The following TYW1 variants were observed in gnomAD, a reference collection of about 807,000 sequenced individuals.
TYW1 encodes the protein S-adenosyl-L-methionine-dependent tRNA 4-demethylwyosine synthase TYW1.
TYW1 carries 46 observed loss-of-function variants against 96.2 expected under a neutral mutation model. That is an observed-to-expected ratio of 0.48 (90% CI 0.38 to 0.61). The LOEUF is 0.61. Ranked by LOEUF, TYW1 falls within the 20% of genes least tolerant of loss-of-function variation. The probability of loss-of-function intolerance (pLI) is 0.00; values close to 1 mark genes in which losing one functional copy is unlikely to be tolerated. For missense variants in TYW1, 684 were observed against 909.6 expected, an observed-to-expected ratio of 0.75 and a Z score of 3.19; for synonymous variants, 274 against 323.0, an observed-to-expected ratio of 0.85 and a Z score of 1.63.
intron 9 of TYW1, among the ~76,000 whole-genome samples, chr7:67,064,073 A>G (rs1355559889): frequency 6.6e-6 from 1 of 152,230 alleles, no homozygotes; most frequent in Non-Finnish European, 1.5e-5. Context: ...AAACAAATAG[A>G]CATACCATGT....
intron 10 of TYW1, 134 bp from the exon 11 acceptor site, chr7:67,083,296 C>G: frequency 1.3e-6 from 1 of 753,678 alleles, no homozygotes. Flanking sequence ...GAAAATACCA[C>G]TATACATGGT....
intron 1 of TYW1, 27 bp from the exon 2 acceptor site, chr7:66,998,038 A>C: frequency 6.4e-7 from 1 of 1,562,856 alleles, no homozygotes; most frequent in Non-Finnish European, 8.6e-7. Context: ...GCTTTAAATG[A>C]AATTGTGTGT....
chr7:67,098,605 C>T lies in TYW1; in HGVS notation c.1449C>T (p.Ser483=). ...TGACGGTAAAGCACTGTGCATTGTC[C>T]CTCGTGGGAGAACCAATAATGTACC... is the stretch of plus-strand genomic sequence containing the variant. ...EGMTVKHCAL[S]LVGEPIMYPE... The change falls in exon 12 of 16, where the codon TCC becomes TCT. Residue 483 remains serine (S), a synonymous_variant. Coordinates refer to ENST00000359626, the MANE Select transcript of TYW1 (RefSeq NM_018264.4). The T allele has an allele frequency of 6.2e-7, 1 of 1,613,350 alleles. No homozygotes were observed. The highest frequency in any genetic ancestry group is 8.5e-7 in the Non-Finnish European group (1 of 1,179,778).
chr7:67,041,847 C>T (rs1220676261), intron 7 of TYW1, among the ~76,000 whole-genome samples: 15 of 152,064 alleles, frequency 9.9e-5, no homozygotes, highest in Admixed American at 2.6e-4. Context: ...CTCTGTGCTT[C>T]CGTTTTCTCA....
In TYW1 at chr7:67,169,377, G is replaced by T. The variant is rs1271495176; in HGVS notation, c.1699-13749G>T. 1.3e-5 allele frequency among the ~76,000 whole-genome samples: 2 copies of T among 151,658 alleles called. 1 individual carries two copies. Among genetic ancestry groups the T allele is most frequent in the South Asian group, 4.1e-4 (2 of 4,820 alleles). On this transcript the variant is annotated intron_variant, in intron 13 of 15. Coordinates refer to ENST00000359626, the MANE Select transcript of TYW1 (RefSeq NM_018264.4). ...TTAGTATAATGTTTTCCAAGTTAGC[G>T]CATGTTATATAGCATGAATCAGAAC...
At chr7:67,040,876 G>T (rs1203826180) in intron 7 of TYW1, among the ~76,000 whole-genome samples, 3 of 151,856 alleles carry the variant, frequency 2.0e-5, no homozygotes, top group African/African-American at 4.8e-5. Flanking sequence ...TAAAAACTTT[G>T]TTTATAGTGG....
intron 13 of TYW1, among the ~76,000 whole-genome samples, chr7:67,152,658 G>A (rs1310102073): frequency 1.3e-5 from 2 of 152,160 alleles, no homozygotes; most frequent in Non-Finnish European, 2.9e-5. Context: ...CTAGAGTGCA[G>A]TGGCATGATC....
intron 7 of TYW1, among the ~76,000 whole-genome samples, chr7:67,036,901 A>G (rs1297604420): frequency 6.6e-6 from 1 of 152,210 alleles, no homozygotes; most frequent in Non-Finnish European, 1.5e-5. Flanking sequence ...CTACAGAGGG[A>G]TCAAGTGCAG....
chr7:67,189,712 A>G (rs1184824408), intron 14 of TYW1, among the ~76,000 whole-genome samples: 1 of 152,104 alleles, frequency 6.6e-6, no homozygotes, highest in East Asian at 1.9e-4. Context: ...CAGATTCATT[A>G]AGTTTTTAGA....
chr7:67,122,801 T>C (rs762691489), intron 13 of TYW1, among the ~76,000 whole-genome samples: 37 of 152,186 alleles, frequency 2.4e-4, no homozygotes, highest in Non-Finnish European at 3.8e-4. Context: ...CTTCCCATCC[T>C]AGAGGCCTGA....
At chr7:67,154,157 C>T (rs1204317756) in intron 13 of TYW1, among the ~76,000 whole-genome samples, 2 of 152,142 alleles carry the variant, frequency 1.3e-5, no homozygotes, top group East Asian at 3.9e-4. Flanking sequence ...CTCCTGACCT[C>T]ATGATCCACC....
At chr7:67,135,302 GTTTTTT>G (rs869257148) in intron 13 of TYW1, among the ~76,000 whole-genome samples, 2 of 111,824 alleles carry the variant, frequency 1.8e-5, no homozygotes, top group South Asian at 3.3e-4. Context: ...TGTTAAAACA[GTTTTTT>G]TTTTTTTTTT....
At chr7:66,997,082 T>G in intron 1 of TYW1, 100 bp downstream of exon 1, 2 of 1,584,558 alleles carry the variant, frequency 1.3e-6, no homozygotes, top group Non-Finnish European at 1.7e-6. Flanking sequence ...TCCCTTTCCT[T>G]CGGAGACTGT....
rs1292276034 is a variant in TYW1, at chr7:67,083,539, G to A, written c.1384G>A (p.Gly462Arg). Residue 462 changes from glycine (G) to arginine (R), a missense_variant and splice_region_variant, in exon 11 of 16, where the codon GGA becomes AGA. Coordinates refer to ENST00000359626, the MANE Select transcript of TYW1 (RefSeq NM_018264.4). ...NHQNMIKQFK[G>R]VPGVKAERFE... ...TCAGAACATGATTAAGCAGTTTAAA[G>A]GTATTTATCTTCCCTCTACAAAGGA... The A allele has an allele frequency of 3.7e-6, 6 of 1,613,986 alleles. No homozygotes were observed. Among genetic ancestry groups the A allele is most frequent in the Non-Finnish European group, 5.1e-6 (6 of 1,179,936 alleles).
chr7:67,063,962 C>G (rs1338491500), intron 9 of TYW1, among the ~76,000 whole-genome samples: 1 of 152,140 alleles, frequency 6.6e-6, no homozygotes, highest in East Asian at 1.9e-4. Context: ...TTTACAGTCA[C>G]TCCAACGAAA....
intron 7 of TYW1, among the ~76,000 whole-genome samples, chr7:67,038,235 A>T (rs1034817967): frequency 6.6e-6 from 1 of 152,150 alleles, no homozygotes; most frequent in Non-Finnish European, 1.5e-5. Flanking sequence ...CTTGGGAGGC[A>T]GGGGTTGCAG....
At chr7:67,047,400 A>G in intron 7 of TYW1, among the ~76,000 whole-genome samples, 1 of 152,312 alleles carries the variant, frequency 6.6e-6, no homozygotes. Flanking sequence ...TCTATTTTAA[A>G]CTATCTTAAT....
intron 14 of TYW1, among the ~76,000 whole-genome samples, chr7:67,187,185 A>G (rs988439146): frequency 6.7e-6 from 1 of 149,490 alleles, no homozygotes; most frequent in Non-Finnish European, 1.5e-5. Context: ...TGCCTCTGCC[A>G]CCCAAATAGC....
At chr7:67,202,052 C>T (rs189228451) in intron 15 of TYW1, among the ~76,000 whole-genome samples, 48 of 152,294 alleles carry the variant, frequency 3.2e-4, no homozygotes, top group African/African-American at 1.1e-3. Flanking sequence ...GGAACCATGG[C>T]CACGAAGAAA....
Sources: gnomAD v4.1 joint callset for allele counts (sites outside exome capture counted in the v4.1 genomes callset) on GRCh38, gnomAD v4.1.1 for gene constraint, MANE v1.5 for transcripts, NCBI Gene and HGNC (gene_info 2026-07-23, HGNC 2026-07-21) for gene names.